The following DPP10 variants were observed in gnomAD, a reference collection of about 807,000 sequenced individuals.
DPP10 encodes the protein inactive dipeptidyl peptidase 10.
A neutral mutation model predicts 120.9 loss-of-function variants in DPP10; 33 were observed. The observed-to-expected ratio is 0.27, with a 90% CI of 0.21 to 0.37. DPP10 has a LOEUF of 0.37. Ranked by LOEUF, DPP10 falls within the 10% of genes least tolerant of loss-of-function variation. The pLI, the probability that DPP10 is intolerant of heterozygous loss-of-function variation, is 1.00. For synonymous variants in DPP10, 337 were observed against 326.1 expected, an observed-to-expected ratio of 1.03 and a Z score of -0.36; for missense variants, 816 against 942.8, an observed-to-expected ratio of 0.87 and a Z score of 1.76.
chr2:115,473,678 A>T lies in DPP10; in HGVS notation c.272-25832A>T, dbSNP rs79753677. Among the ~76,000 whole-genome samples the T allele has an allele frequency of 2.8e-3, 433 of 152,312 alleles. 1 individual carries two copies. The highest frequency in any genetic ancestry group is 9.8e-3 in the African/African-American group (406 of 41,566). Reference sequence around the variant, plus strand: ...GTAGGAGCATAAAGGCTGCTGTTTTATGTAACACTCTAGAAATCAGCTAAC... The same window carrying T: ...GTAGGAGCATAAAGGCTGCTGTTTTTTGTAACACTCTAGAAATCAGCTAAC... On this transcript the variant is annotated intron_variant, in intron 3 of 25. Transcript: ENST00000410059.
intron 5 of DPP10, chr2:115,526,264 G>GT (rs944012830): frequency 3.4e-6 from 1 of 291,736 alleles, no homozygotes; most frequent in African/African-American, 2.2e-5. Flanking sequence ...ATGCGGGCTT[G>GT]TGAAAGTTTC....
intron 1 of DPP10, among the ~76,000 whole-genome samples, chr2:114,885,792 C>A (rs1692021203): frequency 6.6e-6 from 1 of 152,176 alleles, no homozygotes; most frequent in Non-Finnish European, 1.5e-5. Context: ...CGATTTAGCA[C>A]ATGGAATATA....
chr2:115,486,865 A>G (rs1219247843), intron 3 of DPP10, among the ~76,000 whole-genome samples: 1 of 152,174 alleles, frequency 6.6e-6, no homozygotes, highest in Non-Finnish European at 1.5e-5. Context: ...TTGAGTGGCT[A>G]TCAACTGCTC....
At chr2:115,048,434 C>G (rs1194448214) in intron 1 of DPP10, among the ~76,000 whole-genome samples, 1 of 152,058 alleles carries the variant, frequency 6.6e-6, no homozygotes, top group Non-Finnish European at 1.5e-5. Flanking sequence ...TGTAACTCTT[C>G]AAAATTGCTT....
intron 1 of DPP10, among the ~76,000 whole-genome samples, chr2:115,031,192 T>C (rs894998102): frequency 9.9e-5 from 15 of 152,114 alleles, no homozygotes; most frequent in African/African-American, 3.6e-4. Flanking sequence ...AAGGTATCAG[T>C]CTTAGAAGAG....
At chr2:115,659,063 GGTTA>G (rs1271258874) in intron 5 of DPP10, among the ~76,000 whole-genome samples, 1 of 152,078 alleles carries the variant, frequency 6.6e-6, no homozygotes, top group Admixed American at 6.6e-5. Flanking sequence ...TTATTGAGTG[GGTTA>G]GTTATCATGA....
intron 1 of DPP10, among the ~76,000 whole-genome samples, chr2:114,617,149 A>G (rs1246171888): frequency 6.6e-6 from 1 of 152,130 alleles, no homozygotes; most frequent in Admixed American, 6.6e-5. Flanking sequence ...AAACCATATT[A>G]CAATGCAATG....
At chr2:115,603,577 T>TTG (rs2083502199) in intron 5 of DPP10, among the ~76,000 whole-genome samples, 1 of 147,410 alleles carries the variant, frequency 6.8e-6, no homozygotes, top group Non-Finnish European at 1.5e-5. Context: ...TTTGTTTTTT[T>TTG]TTTTTTTGGA....
At position 115,048,570 on chromosome 2, in the gene DPP10, G is replaced by T. The variant is rs1042021673; in HGVS notation, c.61-260669G>T. Reference sequence around the variant, plus strand: ...TCATGATAAAGTCCAAGCTAAGCAGGGTAGCATAAAAGAACTATTATGATC... The same window carrying T: ...TCATGATAAAGTCCAAGCTAAGCAGTGTAGCATAAAAGAACTATTATGATC... On this transcript the variant is annotated intron_variant, in intron 1 of 25. Coordinates refer to ENST00000410059, the MANE Select transcript of DPP10 (RefSeq NM_020868.6). Among the ~76,000 whole-genome samples the T allele has an allele frequency of 1.8e-4, 28 of 151,946 alleles. 1 individual carries two copies. The highest frequency in any genetic ancestry group is 1.8e-3 in the Admixed American group (27 of 15,234).
At chr2:115,054,973 G>T (rs1705790331) in intron 1 of DPP10, among the ~76,000 whole-genome samples, 1 of 152,038 alleles carries the variant, frequency 6.6e-6, no homozygotes, top group Non-Finnish European at 1.5e-5. Flanking sequence ...AATATAATAG[G>T]TTTGGATTTT....
At chr2:115,762,540 G>C in intron 11 of DPP10, 32 bp from the exon 12 acceptor site, 1 of 1,612,982 alleles carries the variant, frequency 6.2e-7, no homozygotes, top group Non-Finnish European at 8.5e-7. Flanking sequence ...TTGGTCTTTA[G>C]ATGCTTCATG....
At chr2:115,753,379 T>C (rs771232609) in intron 11 of DPP10, 82 bp downstream of exon 11, 8 of 1,348,812 alleles carry the variant, frequency 5.9e-6, no homozygotes, top group Non-Finnish European at 7.9e-6. Context: ...AAATGCTTTG[T>C]ACAAAAAAAA....
intron 1 of DPP10, among the ~76,000 whole-genome samples, chr2:115,242,734 G>T (rs532106076): frequency 2.0e-5 from 3 of 150,146 alleles, no homozygotes; most frequent in South Asian, 2.1e-4. Context: ...TGCATTTTTG[G>T]TTTTGATTGG....
chr2:114,724,255 G>A (rs1453381731), intron 1 of DPP10, among the ~76,000 whole-genome samples: 2 of 152,146 alleles, frequency 1.3e-5, no homozygotes, highest in African/African-American at 4.8e-5. Context: ...ATTAACTGAT[G>A]CCAAGTAGCC....
At position 115,836,235 on chromosome 2, in the gene DPP10, A is replaced by G. The variant is rs1452563192; in HGVS notation, c.2029A>G (p.Ile677Val). ...LFKCGSVVAP[I>V]TDLKLYASAF... is the part of the protein sequence containing the mutation. Reference sequence around the variant, plus strand: ...TAAATGTGGATCCGTGGTTGCACCTATCACAGACTTGAAATTGTATGGTGA... The same window carrying G: ...TAAATGTGGATCCGTGGTTGCACCTGTCACAGACTTGAAATTGTATGGTGA... Residue 677 changes from isoleucine (I) to valine (V), a missense_variant, in exon 22 of 26, where the codon ATC (isoleucine) becomes GTC (valine). Physicochemically the swap from Ile to Val is conservative, Grantham distance 29. Coordinates refer to ENST00000410059, the MANE Select transcript of DPP10 (RefSeq NM_020868.6). 1.2e-6 allele frequency: 2 copies of G among 1,608,558 alleles called. No individual in the cohort carries two copies. Among genetic ancestry groups the G allele is most frequent in the Non-Finnish European group, 8.5e-7 (1 of 1,178,314 alleles).
In DPP10 at chr2:114,658,966, G is replaced by T. The variant is rs551747084; in HGVS notation, c.60+216128G>T. Among the ~76,000 whole-genome samples the T allele has an allele frequency of 2.6e-5, 4 of 152,224 alleles. No homozygotes were observed. The South Asian group carries it at 8.3e-4, about 32-fold the overall frequency. On this transcript the variant is annotated intron_variant, in intron 1 of 25. Coordinates refer to ENST00000410059, the MANE Select transcript of DPP10 (RefSeq NM_020868.6). ...ATGGGGTTTCTCCCATGCCGTTCTC[G>T]TGATGGTGAGTAAGTTCTCATGACA... is the stretch of plus-strand genomic sequence containing the variant.
At chr2:114,943,392 G>GCCT (rs1236845651) in intron 1 of DPP10, among the ~76,000 whole-genome samples, 1 of 152,114 alleles carries the variant, frequency 6.6e-6, no homozygotes, top group Non-Finnish European at 1.5e-5. Flanking sequence ...TCCTGCATCA[G>GCCT]CCTCCTGAGT....
intron 1 of DPP10, among the ~76,000 whole-genome samples, chr2:115,180,546 A>T (rs561221581): frequency 3.3e-5 from 5 of 152,280 alleles, no homozygotes; most frequent in African/African-American, 1.2e-4. Flanking sequence ...GATATAGGGA[A>T]GTTTAATAGG....
intron 1 of DPP10, among the ~76,000 whole-genome samples, chr2:115,021,765 C>CA (rs1252915851): frequency 6.6e-6 from 1 of 151,888 alleles, no homozygotes; most frequent in African/African-American, 2.4e-5. Flanking sequence ...CAAAAATCCT[C>CA]AAAAAATTAT....
Sources: allele counts gnomAD v4.1 joint callset (sites outside exome capture counted in the v4.1 genomes callset), GRCh38; gene constraint gnomAD v4.1.1; transcripts MANE v1.5; gene names NCBI Gene and HGNC (gene_info 2026-07-23, HGNC 2026-07-21).